The following KHDRBS2 variants were observed in gnomAD, a reference collection of about 807,000 sequenced individuals.
The protein encoded by KHDRBS2 is KH RNA binding domain containing, signal transduction associated 2.
A neutral mutation model predicts 44.3 loss-of-function variants in KHDRBS2; 26 were observed. The observed-to-expected ratio is 0.59, with a 90% confidence interval of 0.43 to 0.81. The LOEUF (loss-of-function observed/expected upper bound fraction) is 0.81, where lower values mean the gene tolerates loss of function less well. Among genes scored for constraint, KHDRBS2 ranks in the 40% least tolerant of loss-of-function variants. KHDRBS2 has a pLI of 0.00. For synonymous variants in KHDRBS2, 194 were observed against 151.1 expected, an observed-to-expected ratio of 1.28 and a Z score of -2.08; for missense variants, 476 against 433.1, an observed-to-expected ratio of 1.10 and a Z score of -0.88.
intron 1 of KHDRBS2, among the ~76,000 whole-genome samples, chr6:62,277,600 C>G (rs1318014457): frequency 6.6e-6 from 1 of 152,142 alleles, no homozygotes; most frequent in Admixed American, 6.5e-5. Context: ...CCTCGGCCTC[C>G]CAAAGTGCTG....
chr6:62,205,569 G>A (rs913376348), intron 1 of KHDRBS2, among the ~76,000 whole-genome samples: 1 of 152,030 alleles, frequency 6.6e-6, no homozygotes, highest in African/African-American at 2.4e-5. Flanking sequence ...CTTTGGATAA[G>A]CCCAGATTTA....
intron 1 of KHDRBS2, among the ~76,000 whole-genome samples, chr6:62,250,014 G>T (rs1350003516): frequency 1.3e-5 from 2 of 151,932 alleles, no homozygotes; most frequent in Non-Finnish European, 2.9e-5. Flanking sequence ...TTCTTGCATT[G>T]AGTACTAGAA....
the KHDRBS2 span, among the ~76,000 whole-genome samples, chr6:61,604,070 C>T: frequency 6.6e-6 from 1 of 152,244 alleles, no homozygotes; most frequent in Non-Finnish European, 1.5e-5. Flanking sequence ...TTCCTTAACT[C>T]AAGCCCTTGC....
chr6:61,764,963 A>ACAT (rs1473281677), intron 6 of KHDRBS2, among the ~76,000 whole-genome samples: 1 of 151,680 alleles, frequency 6.6e-6, no homozygotes, highest in Non-Finnish European at 1.5e-5. Flanking sequence ...CTTAATAGTT[A>ACAT]AATTAAATTT....
chr6:61,951,269 T>C (rs1764680739), intron 4 of KHDRBS2, among the ~76,000 whole-genome samples: 2 of 151,968 alleles, frequency 1.3e-5, no homozygotes, highest in Non-Finnish European at 2.9e-5. Flanking sequence ...GACAAATGGC[T>C]CCATGTGCAA....
chr6:61,654,716 G>T, the KHDRBS2 span, among the ~76,000 whole-genome samples: 4 of 151,260 alleles, frequency 2.6e-5, no homozygotes, highest in East Asian at 8.2e-4. Flanking sequence ...AGTAACAGGA[G>T]CAAGTCGTAA....
chr6:61,647,877 A>C, the KHDRBS2 span, among the ~76,000 whole-genome samples: 6 of 152,156 alleles, frequency 3.9e-5, no homozygotes, highest in African/African-American at 1.2e-4. Context: ...CACAGACTTC[A>C]CAATATTAGT....
intron 2 of KHDRBS2, among the ~76,000 whole-genome samples, chr6:62,076,238 G>A (rs1295606522): frequency 1.3e-5 from 2 of 151,932 alleles, no homozygotes; most frequent in African/African-American, 4.8e-5. Context: ...GTCATATTGA[G>A]TTCTCACTCA....
chr6:61,793,757 TCAAA>T (rs1374329456), intron 6 of KHDRBS2, among the ~76,000 whole-genome samples: 2 of 152,042 alleles, frequency 1.3e-5, no homozygotes, highest in African/African-American at 4.8e-5. Context: ...ACAAACCAAA[TCAAA>T]CACTTATTTT....
At chr6:62,103,066 T>G (rs1161369463) in intron 2 of KHDRBS2, among the ~76,000 whole-genome samples, 1 of 152,032 alleles carries the variant, frequency 6.6e-6, no homozygotes, top group Non-Finnish European at 1.5e-5. Flanking sequence ...TGCATGCTGA[T>G]TGGTCCATGG....
chr6:62,091,158 G>A (rs1173931007), intron 2 of KHDRBS2, among the ~76,000 whole-genome samples: 1 of 152,084 alleles, frequency 6.6e-6, no homozygotes, highest in Non-Finnish European at 1.5e-5. Flanking sequence ...GAACTGCCAC[G>A]TTCTTGATCC....
At chr6:61,730,883 A>G (rs1562050172) in intron 7 of KHDRBS2, among the ~76,000 whole-genome samples, 1 of 152,006 alleles carries the variant, frequency 6.6e-6, no homozygotes, top group Non-Finnish European at 1.5e-5. Context: ...ATTCAAAGCT[A>G]AATTATCTTA....
chr6:62,254,277 A>G (rs1262731575), intron 1 of KHDRBS2, among the ~76,000 whole-genome samples: 1 of 152,060 alleles, frequency 6.6e-6, no homozygotes, highest in Admixed American at 6.6e-5. Context: ...TAACCTTGCT[A>G]AACTGTACCC....
intron 4 of KHDRBS2, among the ~76,000 whole-genome samples, chr6:61,930,537 AAAAAAAAAG>A (rs1342921841): frequency 0.037 from 1,380 of 37,308 alleles, 200 homozygotes; most frequent in Non-Finnish European, 0.06. Flanking sequence ...AAAAAAAAAA[AAAAAAAAAG>A]AAAAAAAAAA....
intron 1 of KHDRBS2, among the ~76,000 whole-genome samples, chr6:62,259,042 G>C (rs139992268): frequency 1.5e-3 from 234 of 152,128 alleles, no homozygotes; most frequent in African/African-American, 4.8e-3. Flanking sequence ...AACCAGTCTT[G>C]TGCTCTAATA....
intron 1 of KHDRBS2, among the ~76,000 whole-genome samples, chr6:62,223,898 T>G (rs968199376): frequency 6.6e-6 from 1 of 152,098 alleles, no homozygotes; most frequent in African/African-American, 2.4e-5. Context: ...ATTCAACAAG[T>G]CTCTAGGAAG....
chr6:61,562,887 G>C, the KHDRBS2 span, among the ~76,000 whole-genome samples: 1 of 152,106 alleles, frequency 6.6e-6, no homozygotes. Context: ...ATGAGGATGA[G>C]TTGTTATCTA....
chr6:62,076,927 T>C (rs1346272896), intron 2 of KHDRBS2, among the ~76,000 whole-genome samples: 1 of 151,890 alleles, frequency 6.6e-6, no homozygotes, highest in African/African-American at 2.4e-5. Flanking sequence ...ACACCTGTAG[T>C]CCTAGCTACT....
At chr6:61,809,401 A>T (rs1380646544) in intron 6 of KHDRBS2, among the ~76,000 whole-genome samples, 1 of 152,134 alleles carries the variant, frequency 6.6e-6, no homozygotes, top group Non-Finnish European at 1.5e-5. Context: ...TTAGCTAGAA[A>T]CTTGGGCAAC....
Sources: allele counts gnomAD v4.1 joint callset (sites outside exome capture counted in the v4.1 genomes callset), GRCh38; gene constraint gnomAD v4.1.1; transcripts MANE v1.5; gene names NCBI Gene and HGNC (gene_info 2026-07-23, HGNC 2026-07-21).